The following UNC79 variants were observed in gnomAD, a reference collection of about 807,000 sequenced individuals.
The protein encoded by UNC79 is protein unc-79 homolog.
Under a neutral mutation model 283.1 loss-of-function variants are expected in UNC79, and 37 were observed. That is an observed-to-expected ratio of 0.13 (90% CI 0.10 to 0.17). UNC79 has a LOEUF of 0.17. Among genes scored for constraint, UNC79 ranks in the 10% least tolerant of loss-of-function variants. The pLI, the probability that UNC79 is intolerant of heterozygous loss-of-function variation, is 1.00. For synonymous variants in UNC79, 1,107 were observed against 1,200.2 expected (o/e 0.92, Z 1.61); for missense variants, 2,272 against 3,211.1 (o/e 0.71, Z 7.07).
chr14:93,433,373 A>G (rs925154168), intron 1 of UNC79, among the ~76,000 whole-genome samples: 12 of 152,198 alleles, frequency 7.9e-5, no homozygotes, highest in Non-Finnish European at 1.6e-4. Context: ...GTGGATTGAC[A>G]TTTTCGTGTA....
intron 4 of UNC79, among the ~76,000 whole-genome samples, chr14:93,478,230 A>G (rs1250291661): frequency 1.3e-5 from 2 of 152,184 alleles, no homozygotes; most frequent in East Asian, 1.9e-4. Context: ...TTATAGAGGT[A>G]TCGTGATGAT....
rs917996623 is a variant in UNC79 at position 93,688,493 on chromosome 14, T to C, written c.6910-172T>C. Among the ~76,000 whole-genome samples the C allele has an allele frequency of 2.0e-5, 3 of 152,094 alleles. No individual in the cohort carries two copies. Among genetic ancestry groups the C allele is most frequent in the Non-Finnish European group, 4.4e-5 (3 of 68,014 alleles). On this transcript the variant is annotated intron_variant, in intron 43 of 48. Coordinates refer to ENST00000555664, the Ensembl canonical transcript of UNC79. This position sits in a 1 kb window ranked among gnomAD's most constrained non-coding sequence, Gnocchi z 4.0. ...TTTCTGGCTTTGTAGGCTAGGGAAC[T>C]TTCCCTCCTTTTATCCTAAGAACAA...
chr14:93,554,394 T>C (rs2062053426), intron 14 of UNC79, among the ~76,000 whole-genome samples: 1 of 151,944 alleles, frequency 6.6e-6, no homozygotes. Flanking sequence ...CTTTTTCCTG[T>C]AGGCGAATGA....
chr14:93,514,233 A>C lies in UNC79; in HGVS notation c.899-9745A>C, dbSNP rs541552551. On this transcript the variant is annotated intron_variant, in intron 7 of 48. Coordinates refer to ENST00000555664, the Ensembl canonical transcript of UNC79. ...AAAAGACATTAGACACACATTTCTA[A>C]TATCAGAAAGGAAATAGATATTATT... Among the ~76,000 whole-genome samples the C allele has an allele frequency of 2.0e-5, 3 of 152,344 alleles. No homozygotes were observed. The East Asian group carries it at 5.8e-4, about 29-fold the overall frequency.
chr14:93,396,396 T>C (rs1258548972), intron 1 of UNC79, among the ~76,000 whole-genome samples: 4 of 152,184 alleles, frequency 2.6e-5, no homozygotes, highest in African/African-American at 9.7e-5. Context: ...AGTCTTTGTA[T>C]AGTGAGTCCA....
intron 1 of UNC79, among the ~76,000 whole-genome samples, chr14:93,422,780 G>A (rs907703658): frequency 6.6e-6 from 1 of 152,014 alleles, no homozygotes; most frequent in African/African-American, 2.4e-5. Context: ...AGAAATCAAG[G>A]CCAGGCTTGG....
intron 14 of UNC79, among the ~76,000 whole-genome samples, chr14:93,543,433 G>T (rs114934625): frequency 6.8e-6 from 1 of 147,680 alleles, no homozygotes; most frequent in African/African-American, 2.5e-5. Flanking sequence ...AGGATGGACC[G>T]CAGTGGTGTA....
intron 1 of UNC79, among the ~76,000 whole-genome samples, chr14:93,450,968 A>G (rs2056619542): frequency 1.3e-5 from 2 of 152,092 alleles, no homozygotes; most frequent in Admixed American, 6.5e-5. Context: ...AATTTTCTCA[A>G]TTGTATCTTC....
At chr14:93,496,004 A>G (rs1441893392) in intron 5 of UNC79, among the ~76,000 whole-genome samples, 1 of 152,230 alleles carries the variant, frequency 6.6e-6, no homozygotes, top group African/African-American at 2.4e-5. Context: ...CACCATAGCA[A>G]TTGTGAGATA....
At chr14:93,704,260 C>T (rs1313187136) in intron 47 of UNC79, among the ~76,000 whole-genome samples, 1 of 152,214 alleles carries the variant, frequency 6.6e-6, no homozygotes, top group Non-Finnish European at 1.5e-5. Flanking sequence ...GTCGCCATTC[C>T]ACTCAGACAC....
chr14:93,407,627 A>T (rs1406437297), intron 1 of UNC79, among the ~76,000 whole-genome samples: 4 of 152,188 alleles, frequency 2.6e-5, no homozygotes, highest in Non-Finnish European at 4.4e-5. Context: ...CAATCAGATC[A>T]TTGGAGTGCA....
At position 93,646,660 on chromosome 14, in the gene UNC79, G is replaced by A. The variant is rs763706470; in HGVS notation, c.6083+14G>A. The A allele has an allele frequency of 6.8e-6, 11 of 1,613,234 alleles. No homozygotes were observed. The highest frequency in any genetic ancestry group is 2.7e-5 in the African/African-American group (2 of 74,814). On this transcript the variant is annotated intron_variant, in intron 35 of 48. Coordinates refer to ENST00000555664, the Ensembl canonical transcript of UNC79. Reference sequence around the variant, plus strand: ...TCAAGCAGAAAGGTAAGGTCCTAACGGGAGCCCAGATCTCACTTTCTTTTC... The same window carrying A: ...TCAAGCAGAAAGGTAAGGTCCTAACAGGAGCCCAGATCTCACTTTCTTTTC...
intron 1 of UNC79, among the ~76,000 whole-genome samples, chr14:93,363,617 A>G (rs1159855297): frequency 1.3e-5 from 2 of 152,220 alleles, no homozygotes; most frequent in Non-Finnish European, 2.9e-5. Context: ...ATAGGTCTCT[A>G]AGAACTTGTT....
chr14:93,552,193 A>G (rs1195147625), intron 14 of UNC79, among the ~76,000 whole-genome samples: 2 of 152,264 alleles, frequency 1.3e-5, no homozygotes, highest in African/African-American at 4.8e-5. Context: ...TTAAGTGAAT[A>G]GGCTGGAGAA....
Position 93,690,340 on chromosome 14 carries a change from G to T in UNC79, c.7272+37G>T. The T allele has an allele frequency of 1.3e-6, 2 of 1,580,778 alleles. No homozygotes were observed. The highest frequency in any genetic ancestry group is 2.3e-5 in the South Asian group (2 of 86,320). On this transcript the variant is annotated intron_variant, in intron 45 of 48. Coordinates refer to ENST00000555664, the Ensembl canonical transcript of UNC79. The surrounding 1 kb of genome is among the most constrained non-coding windows in gnomAD (Gnocchi z 4.3). ...CTGCAAGATTAAGACCGTATGCATC[G>T]CAATTGCTAATGGAAACCTTATCAG...
At chr14:93,386,627 G>C (rs2054779816) in intron 1 of UNC79, among the ~76,000 whole-genome samples, 1 of 152,114 alleles carries the variant, frequency 6.6e-6, no homozygotes, top group Non-Finnish European at 1.5e-5. Context: ...GACTATTATG[G>C]CTTCATTCTC....
chr14:93,454,997 C>T (rs116766310), intron 1 of UNC79, among the ~76,000 whole-genome samples: 1,887 of 152,232 alleles, frequency 0.012, 41 homozygotes, highest in African/African-American at 0.043. Context: ...GTTGGAGTCA[C>T]TTGCCAAAGA....
chr14:93,378,321 A>T (rs2054601581), intron 1 of UNC79, among the ~76,000 whole-genome samples: 1 of 152,228 alleles, frequency 6.6e-6, no homozygotes, highest in South Asian at 2.1e-4. Flanking sequence ...TTAGGTGATT[A>T]TAAGAATTTT....
chr14:93,657,875 T>C (rs111788846), intron 38 of UNC79, among the ~76,000 whole-genome samples: 157 of 152,248 alleles, frequency 1.0e-3, no homozygotes, highest in African/African-American at 3.6e-3. Flanking sequence ...TTCTATGAGG[T>C]CAGTGGCTAC....
Sources: allele counts gnomAD v4.1 joint callset (sites outside exome capture counted in the v4.1 genomes callset), GRCh38; gene constraint gnomAD v4.1.1; non-coding constraint Gnocchi (gnomAD v3.1); transcripts MANE v1.5; gene names NCBI Gene and HGNC (gene_info 2026-07-23, HGNC 2026-07-21).